The following DYM variants were observed in gnomAD, a reference collection of about 807,000 sequenced individuals.
DYM encodes the protein dyggve-Melchior-Clausen syndrome protein.
Under a neutral mutation model 93.1 loss-of-function variants are expected in DYM, and 78 were observed. The ratio of observed to expected loss-of-function variants is 0.84; its 90% CI spans 0.70 to 1.01. DYM has a LOEUF of 1.01. Ranked by LOEUF, DYM falls within the 50% of genes least tolerant of loss-of-function variation. The pLI is 0.00. For synonymous variants in DYM, 321 were observed against 319.7 expected, an observed-to-expected ratio of 1.00 and a Z score of -0.04; for missense variants, 789 against 845.0, an observed-to-expected ratio of 0.93 and a Z score of 0.82.
In DYM at chr18:49,118,694, GC is replaced by G. The variant is rs764284873; in HGVS notation, c.1911+49del. The G allele has an allele frequency of 1.4e-5, 22 of 1,520,642 alleles. No individual in the cohort carries two copies. In the East Asian group the frequency reaches 5.0e-4, roughly 34 times the overall value. 94.2% of individuals were successfully genotyped at this position (1,520,642 alleles called of 1,614,324 possible). A position where few individuals can be genotyped will look rare whatever the true frequency, so the allele number is the denominator to read the frequency against. On this transcript the variant is annotated intron_variant, in intron 16 of 17. Transcript: ENST00000675505. ...TACCAAGGCTTATTAAACATTCTCT[GC>G]TTTAATACTTAAAAAAGAATCATAA...
chr18:49,381,334 T>C (rs1199180411), intron 3 of DYM, among the ~76,000 whole-genome samples: 5 of 152,336 alleles, frequency 3.3e-5, no homozygotes, highest in African/African-American at 1.2e-4. Context: ...AGTACAGCAT[T>C]ACAGCATACC....
At chr18:49,318,379 G>A (rs1163336180) in intron 8 of DYM, among the ~76,000 whole-genome samples, 1 of 152,190 alleles carries the variant, frequency 6.6e-6, no homozygotes, top group East Asian at 1.9e-4. Context: ...CAGCACTTTG[G>A]GAGGCCAAGG....
At chr18:49,448,322 C>T (rs2082267617) in intron 1 of DYM, among the ~76,000 whole-genome samples, 1 of 152,172 alleles carries the variant, frequency 6.6e-6, no homozygotes, top group African/African-American at 2.4e-5. Flanking sequence ...TGGAAGTTAA[C>T]TGGAACCATT....
At chr18:49,245,109 C>G (rs2094132868) in intron 13 of DYM, among the ~76,000 whole-genome samples, 1 of 152,160 alleles carries the variant, frequency 6.6e-6, no homozygotes. Flanking sequence ...TATCACTTCC[C>G]CAATCAATAC....
intron 5 of DYM, among the ~76,000 whole-genome samples, chr18:49,365,987 T>C (rs2066486285): frequency 6.6e-6 from 1 of 152,080 alleles, no homozygotes; most frequent in African/African-American, 2.4e-5. Context: ...GATAAACATA[T>C]TTCATAGAAG....
intron 15 of DYM, among the ~76,000 whole-genome samples, chr18:49,161,556 G>A (rs961271957): frequency 2.6e-5 from 4 of 152,142 alleles, no homozygotes; most frequent in Non-Finnish European, 4.4e-5. Flanking sequence ...CCCTGGCCCC[G>A]ATAGGGTTTC....
intron 8 of DYM, among the ~76,000 whole-genome samples, chr18:49,296,816 T>G (rs2060595059): frequency 6.6e-6 from 1 of 152,206 alleles, no homozygotes; most frequent in Admixed American, 6.5e-5. Flanking sequence ...AACTATTCTT[T>G]CCTCTCTTCT....
At chr18:49,244,240 G>A (rs976041187) in intron 13 of DYM, among the ~76,000 whole-genome samples, 12 of 152,118 alleles carry the variant, frequency 7.9e-5, no homozygotes, top group African/African-American at 2.4e-5. Context: ...CTGGTTCTCC[G>A]CTGGACTTGA....
At chr18:49,174,501 A>T (rs1276954613) in intron 14 of DYM, among the ~76,000 whole-genome samples, 1 of 152,120 alleles carries the variant, frequency 6.6e-6, no homozygotes, top group East Asian at 1.9e-4. Context: ...TCTTATATGG[A>T]GATTTATTAA....
At chr18:49,339,796 T>C (rs1427762414) in intron 6 of DYM, among the ~76,000 whole-genome samples, 3 of 152,164 alleles carry the variant, frequency 2.0e-5, no homozygotes, top group Non-Finnish European at 4.4e-5. Context: ...GGGTAATTTT[T>C]ATGCAGCAAT....
At chr18:49,254,610 A>C (rs571585294) in intron 13 of DYM, among the ~76,000 whole-genome samples, 1 of 152,298 alleles carries the variant, frequency 6.6e-6, no homozygotes, top group African/African-American at 2.4e-5. Context: ...ACTTGGACAC[A>C]GTGTTTTTAT....
intron 2 of DYM, among the ~76,000 whole-genome samples, chr18:49,419,607 G>A (rs935453605): frequency 2.0e-5 from 3 of 151,974 alleles, no homozygotes; most frequent in Non-Finnish European, 4.4e-5. Context: ...AGTTATTCTT[G>A]TTCATTATAC....
chr18:49,399,993 G>GTGCA (rs2070625815), intron 2 of DYM, among the ~76,000 whole-genome samples: 1 of 126,142 alleles, frequency 7.9e-6, no homozygotes, highest in Non-Finnish European at 1.6e-5. Context: ...CCAGGCTGGA[G>GTGCA]TGCAGTGAGT....
chr18:49,285,692 C>T (rs188311180), intron 9 of DYM, among the ~76,000 whole-genome samples: 35 of 152,306 alleles, frequency 2.3e-4, no homozygotes, highest in Middle Eastern at 3.4e-3. Flanking sequence ...ATTCACACAG[C>T]GACAAAATTG....
At chr18:49,066,728 G>A (rs539604848) in intron 17 of DYM, among the ~76,000 whole-genome samples, 1 of 151,708 alleles carries the variant, frequency 6.6e-6, no homozygotes, top group South Asian at 2.1e-4. Context: ...TTTTTTTTAA[G>A]GTTTTCATGA....
intron 8 of DYM, among the ~76,000 whole-genome samples, chr18:49,289,750 T>TATATACAC (rs2059947882): frequency 2.4e-5 from 1 of 41,560 alleles, no homozygotes; most frequent in Non-Finnish European, 4.5e-5. Flanking sequence ...TATATATATA[T>TATATACAC]ATATATATAT....
intron 17 of DYM, among the ~76,000 whole-genome samples, chr18:49,093,064 C>G (rs938853190): frequency 6.6e-6 from 1 of 152,072 alleles, no homozygotes; most frequent in East Asian, 1.9e-4. Flanking sequence ...ATTTACCCCA[C>G]GAATATGTAT....
chr18:49,421,953 GAAGA>G (rs2073762409), intron 2 of DYM, among the ~76,000 whole-genome samples: 1 of 152,174 alleles, frequency 6.6e-6, no homozygotes, highest in Non-Finnish European at 1.5e-5. Context: ...GAAGTTTAGA[GAAGA>G]AAGAATAAAA....
intron 17 of DYM, among the ~76,000 whole-genome samples, chr18:49,094,767 T>C (rs1027619004): frequency 3.3e-5 from 5 of 152,222 alleles, no homozygotes; most frequent in African/African-American, 1.2e-4. Flanking sequence ...TTGCCCAAAA[T>C]TGGAAGAATA....
Sources: allele counts gnomAD v4.1 joint callset (sites outside exome capture counted in the v4.1 genomes callset), GRCh38; gene constraint gnomAD v4.1.1; transcripts MANE v1.5; gene names NCBI Gene and HGNC (gene_info 2026-07-23, HGNC 2026-07-21).